LINGO2: variants seen among roughly 807,000 people sequenced by gnomAD.
LINGO2 encodes leucine rich repeat and Ig domain containing 2.
In LINGO2, 14 loss-of-function variants were observed where a neutral mutation model predicts 30.6. That is an observed-to-expected ratio of 0.46 (90% CI 0.30 to 0.72). LINGO2 has a LOEUF of 0.72. LINGO2 is among the 30% of genes least tolerant of loss of function. The pLI is 0.07. For missense variants in LINGO2, 729 were observed against 751.7 expected (o/e 0.97, Z 0.35); for synonymous variants, 317 against 288.5 (o/e 1.10, Z -1.00).
intron 4 of LINGO2, among the ~76,000 whole-genome samples, chr9:28,108,779 T>C (rs748857696): frequency 3.9e-5 from 6 of 152,112 alleles, no homozygotes; most frequent in Non-Finnish European, 5.9e-5. Context: ...TTTCCTTCTA[T>C]TTAATACATC....
At chr9:28,002,585 T>C (rs941651112) in intron 5 of LINGO2, among the ~76,000 whole-genome samples, 5 of 152,238 alleles carry the variant, frequency 3.3e-5, no homozygotes, top group African/African-American at 1.2e-4. Context: ...TGTTGATTGT[T>C]GCCCTCTGTA....
At chr9:28,918,876 C>A in the LINGO2 span, among the ~76,000 whole-genome samples, 1 of 151,980 alleles carries the variant, frequency 6.6e-6, no homozygotes, top group Admixed American at 6.6e-5. Context: ...ATCATATTAG[C>A]AAAAACCCTA....
At chr9:28,667,937 T>G (rs1828865322) in intron 1 of LINGO2, among the ~76,000 whole-genome samples, 1 of 152,204 alleles carries the variant, frequency 6.6e-6, no homozygotes, top group African/African-American at 2.4e-5. Flanking sequence ...TATTGTCATC[T>G]ACATTCCAAG....
intron 4 of LINGO2, among the ~76,000 whole-genome samples, chr9:28,294,537 C>T (rs554124565): frequency 6.6e-5 from 10 of 152,012 alleles, no homozygotes; most frequent in South Asian, 2.1e-4. Context: ...GGGGAGGAAG[C>T]GAGTTAAAGA....
the LINGO2 span, among the ~76,000 whole-genome samples, chr9:28,745,897 T>C: frequency 6.6e-6 from 1 of 152,066 alleles, no homozygotes; most frequent in Non-Finnish European, 1.5e-5. Flanking sequence ...CTAAAGTTCT[T>C]GTCAGCATTA....
At chr9:28,888,499 A>C in the LINGO2 span, among the ~76,000 whole-genome samples, 488 of 152,220 alleles carry the variant, frequency 3.2e-3, 2 homozygotes, top group African/African-American at 0.011. Context: ...ACCAAGAAAA[A>C]AAGTTTAAGG....
At chr9:28,880,373 A>T in the LINGO2 span, among the ~76,000 whole-genome samples, 2 of 152,208 alleles carry the variant, frequency 1.3e-5, no homozygotes, top group African/African-American at 4.8e-5. Flanking sequence ...AGCTCACAAA[A>T]ACATGTGTTG....
At chr9:28,668,679 C>T (rs1054993067) in intron 1 of LINGO2, among the ~76,000 whole-genome samples, 4 of 151,902 alleles carry the variant, frequency 2.6e-5, no homozygotes, top group African/African-American at 4.8e-5. Flanking sequence ...TTTAATTTAC[C>T]AGGATTACTT....
At chr9:29,013,372 T>G in the LINGO2 span, among the ~76,000 whole-genome samples, 1 of 131,636 alleles carries the variant, frequency 7.6e-6, no homozygotes, top group Non-Finnish European at 1.7e-5. Flanking sequence ...GAGCATCTAA[T>G]TTAATATTTT....
At chr9:28,094,042 A>C (rs1013019524) in intron 4 of LINGO2, among the ~76,000 whole-genome samples, 2 of 152,086 alleles carry the variant, frequency 1.3e-5, no homozygotes, top group Non-Finnish European at 2.9e-5. Flanking sequence ...GCAATCAATA[A>C]ATGTGATCTG....
At chr9:28,617,446 C>T (rs991692886) in intron 1 of LINGO2, among the ~76,000 whole-genome samples, 1 of 152,052 alleles carries the variant, frequency 6.6e-6, no homozygotes, top group African/African-American at 2.4e-5. Flanking sequence ...CAGGCGCCCA[C>T]CACCACTCCT....
At chr9:28,187,130 GAAGT>G (rs963933083) in intron 4 of LINGO2, among the ~76,000 whole-genome samples, 3 of 152,104 alleles carry the variant, frequency 2.0e-5, no homozygotes, top group African/African-American at 7.2e-5. Context: ...CATACTAAAG[GAAGT>G]AAGAAAATGT....
chr9:29,059,598 A>C, the LINGO2 span, among the ~76,000 whole-genome samples: 1 of 151,766 alleles, frequency 6.6e-6, no homozygotes, highest in Admixed American at 6.6e-5. Context: ...ATTGATTTTC[A>C]ACGAAGGTAT....
chr9:28,585,436 A>C (rs1194506591), intron 1 of LINGO2, among the ~76,000 whole-genome samples: 3 of 151,994 alleles, frequency 2.0e-5, no homozygotes, highest in Non-Finnish European at 4.4e-5. Context: ...CCTAACTTAA[A>C]ATGGTTCAAC....
At chr9:28,211,147 T>C (rs1820575342) in intron 4 of LINGO2, among the ~76,000 whole-genome samples, 1 of 151,586 alleles carries the variant, frequency 6.6e-6, no homozygotes, top group African/African-American at 2.4e-5. Flanking sequence ...TAAATAATAT[T>C]TATTCAGTCA....
the LINGO2 span, among the ~76,000 whole-genome samples, chr9:29,013,141 T>C: frequency 6.6e-6 from 1 of 152,170 alleles, no homozygotes; most frequent in Admixed American, 6.6e-5. Flanking sequence ...TCTTAATACA[T>C]AGAGAGAAAG....
intron 3 of LINGO2, among the ~76,000 whole-genome samples, chr9:28,315,936 A>T (rs1476992009): frequency 6.6e-6 from 1 of 152,208 alleles, no homozygotes; most frequent in African/African-American, 2.4e-5. Context: ...CCAGGACCAG[A>T]TCTTCTGAGT....
the LINGO2 span, among the ~76,000 whole-genome samples, chr9:29,051,634 T>C: frequency 1.3e-5 from 2 of 152,294 alleles, no homozygotes; most frequent in South Asian, 4.1e-4. Context: ...GTTTGTTTTT[T>C]GGATCTCTAT....
intron 4 of LINGO2, among the ~76,000 whole-genome samples, chr9:28,101,241 C>T (rs890168947): frequency 6.6e-6 from 1 of 152,020 alleles, no homozygotes; most frequent in Non-Finnish European, 1.5e-5. Flanking sequence ...TAGACCTTGA[C>T]TATTGATGGG....
Sources: allele counts gnomAD v4.1 joint callset (sites outside exome capture counted in the v4.1 genomes callset), GRCh38; gene constraint gnomAD v4.1.1; transcripts MANE v1.5; gene names NCBI Gene and HGNC (gene_info 2026-07-23, HGNC 2026-07-21).